IFT88: variants seen among roughly 807,000 people sequenced by gnomAD.
IFT88 encodes the protein intraflagellar transport protein 88 homolog.
In IFT88, 74 loss-of-function variants were observed where a neutral mutation model predicts 119.5. The observed-to-expected ratio is 0.62, with a 90% CI of 0.51 to 0.75. IFT88 has a LOEUF of 0.75. Among genes scored for constraint, IFT88 ranks in the 30% least tolerant of loss-of-function variants. IFT88 has a pLI of 0.00. For missense variants in IFT88, 961 were observed against 977.7 expected, an observed-to-expected ratio of 0.98 and a Z score of 0.23; for synonymous variants, 279 against 316.7, an observed-to-expected ratio of 0.88 and a Z score of 1.26.
At chr13:20,593,161 G>C (rs945561502) in intron 7 of IFT88, among the ~76,000 whole-genome samples, 10 of 152,184 alleles carry the variant, frequency 6.6e-5, no homozygotes, top group Non-Finnish European at 1.5e-4. Flanking sequence ...TTTAGTGCTA[G>C]TGGCTAGACA....
intron 4 of IFT88, 67 bp from the exon 5 acceptor site, chr13:20,590,900 A>G: frequency 9.2e-7 from 1 of 1,086,086 alleles, no homozygotes; most frequent in Non-Finnish European, 1.4e-6. Context: ...AACTTCTATA[A>G]CTTGGTTTAA....
At chr13:20,667,391 G>T (rs188232043) in intron 23 of IFT88, among the ~76,000 whole-genome samples, 2 of 152,220 alleles carry the variant, frequency 1.3e-5, no homozygotes, top group Non-Finnish European at 2.9e-5. Flanking sequence ...TTGCATGTCA[G>T]ATGAGTCTGT....
intron 24 of IFT88, among the ~76,000 whole-genome samples, chr13:20,689,581 G>C (rs531758806): frequency 6.6e-6 from 1 of 152,196 alleles, no homozygotes; most frequent in East Asian, 1.9e-4. Context: ...CAAACCCTAA[G>C]GCAAGAAGGC....
intron 13 of IFT88, among the ~76,000 whole-genome samples, chr13:20,614,175 G>A (rs1364846749): frequency 6.6e-6 from 1 of 152,188 alleles, no homozygotes; most frequent in African/African-American, 2.4e-5. Context: ...CCATGACCAA[G>A]TAGGATTAAT....
intron 24 of IFT88, among the ~76,000 whole-genome samples, chr13:20,684,191 C>G (rs1170337648): frequency 6.6e-6 from 1 of 152,222 alleles, no homozygotes; most frequent in Non-Finnish European, 1.5e-5. Flanking sequence ...ATATCACCTT[C>G]TCATCTAGCT....
chr13:20,648,836 T>C (rs1164340366), intron 20 of IFT88, among the ~76,000 whole-genome samples: 1 of 152,146 alleles, frequency 6.6e-6, no homozygotes, highest in Non-Finnish European at 1.5e-5. Context: ...AAAAAGATAT[T>C]CCAAACAAAT....
chr13:20,666,601 C>T (rs2054729367), intron 23 of IFT88, among the ~76,000 whole-genome samples: 1 of 152,204 alleles, frequency 6.6e-6, no homozygotes, highest in South Asian at 2.1e-4. Context: ...TCTCTTCCAG[C>T]ATTTATTCAC....
At chr13:20,641,164 A>C in intron 17 of IFT88, 126 bp from the exon 18 acceptor site, 1 of 595,288 alleles carries the variant, frequency 1.7e-6, no homozygotes, top group Non-Finnish European at 2.8e-6. Flanking sequence ...CAAAAACCTG[A>C]GTTCATCTTC....
intron 23 of IFT88, among the ~76,000 whole-genome samples, chr13:20,667,710 G>A (rs2054973474): frequency 6.6e-6 from 1 of 151,632 alleles, no homozygotes; most frequent in Admixed American, 6.6e-5. Context: ...CCAAAGTGCT[G>A]GGATTACAGG....
chr13:20,644,585 T>C (rs900716463), intron 19 of IFT88, among the ~76,000 whole-genome samples: 1 of 152,090 alleles, frequency 6.6e-6, no homozygotes, highest in African/African-American at 2.4e-5. Context: ...CTCTTTTTTA[T>C]TCTTTTAAAT....
At chr13:20,571,018 G>A (rs1183364504) in intron 1 of IFT88, among the ~76,000 whole-genome samples, 2 of 151,978 alleles carry the variant, frequency 1.3e-5, no homozygotes, top group Non-Finnish European at 2.9e-5. Flanking sequence ...TTTTGAGACA[G>A]AGTCTGGCTC....
In IFT88 at chr13:20,670,954, T is replaced by C; in HGVS notation, c.2176-19T>C. ...GGAATAGCACTTATTCTTTTAAACT[T>C]GTCTTCTCTTTGCTCTAGCGCATAA... On this transcript the variant is annotated intron_variant, in intron 23 of 25. Coordinates refer to ENST00000351808, the MANE Select transcript of IFT88 (RefSeq NM_006531.5). The C allele has an allele frequency of 6.2e-7, 1 of 1,609,094 alleles. No homozygotes were observed. The highest frequency in any genetic ancestry group is 1.1e-5 in the South Asian group (1 of 90,220).
rs143840290 is a variant in IFT88, at chr13:20,663,504, G to A, written c.2075G>A (p.Arg692His). 146 of 1,613,002 alleles carry A rather than the reference G, an allele frequency of 9.1e-5. 1 individual carries two copies. The highest frequency in any genetic ancestry group is 4.2e-4 in the Admixed American group (25 of 59,904). Residue 692 changes from arginine to histidine, a missense_variant, in exon 23 of 26, where the codon CGT becomes CAT. Coordinates refer to ENST00000351808, the MANE Select transcript of IFT88 (RefSeq NM_006531.5). ...TGTATATTTTACAATTTAGGTCTGC[G>A]TTTCTTAGTTCGTCTCTGCACAGAT... ...RKFPENVECL[R>H]FLVRLCTDLG...
chr13:20,690,901 T>A, intron 25 of IFT88, 86 bp downstream of exon 25: 1 of 1,388,874 alleles, frequency 7.2e-7, no homozygotes, highest in Non-Finnish European at 1.0e-6. Flanking sequence ...TGGGAATTCT[T>A]AAGAATTTGA....
In IFT88 at chr13:20,656,356, T is replaced by C. The variant is rs764835487; in HGVS notation, c.2003-9T>C. ...TTTGCTAATATATTTTTCTCTTGTT[T>C]GTTTATAGGTAACTACCAAAAAGCA... On this transcript the variant is annotated splice_polypyrimidine_tract_variant and intron_variant, in intron 21 of 25. Transcript: ENST00000351808. 5.4e-6 allele frequency: 7 copies of C among 1,301,280 alleles called. No individual in the cohort carries two copies. The South Asian group carries it at 1.0e-4, about 19-fold the overall frequency. The allele number at this position is 1,301,280 out of a possible 1,614,324, so 80.6% of individuals were successfully genotyped here. A position where few individuals can be genotyped will look rare whatever the true frequency, so the allele number is the denominator to read the frequency against.
chr13:20,651,284 A>G (rs2051624012), intron 20 of IFT88, among the ~76,000 whole-genome samples: 1 of 151,646 alleles, frequency 6.6e-6, no homozygotes, highest in African/African-American at 2.4e-5. Context: ...AAAAATATTA[A>G]GTCTTCCAAT....
chr13:20,591,677 G>A lies in IFT88; in HGVS notation c.324G>A (p.Leu108=). 6 of 1,608,598 alleles carry A rather than the reference G, an allele frequency of 3.7e-6. No individual in the cohort carries two copies. Among genetic ancestry groups the A allele is most frequent in the Non-Finnish European group, 4.3e-6 (5 of 1,175,410 alleles). Residue 108 remains leucine, a synonymous_variant, in exon 6 of 26, where the codon TTG becomes TTA. Transcript: ENST00000351808. ...VRAAGFTKAA[L]RGSAFDPLSQ... ...CAGCTGGTTTTACCAAAGCAGCTTT[G>A]AGAGGTTTGTTACACTGTCTCTACT...
intron 3 of IFT88, among the ~76,000 whole-genome samples, chr13:20,588,421 G>A (rs1249164302): frequency 6.6e-6 from 1 of 151,732 alleles, no homozygotes; most frequent in African/African-American, 2.4e-5. Flanking sequence ...GTTTATCTTG[G>A]CTTTTGGTTA....
chr13:20,600,351 T>C (rs1231156977), intron 11 of IFT88, among the ~76,000 whole-genome samples: 2 of 151,948 alleles, frequency 1.3e-5, no homozygotes, highest in African/African-American at 2.4e-5. Context: ...GCTATAATAA[T>C]TCAGTGGAAG....
Sources: allele counts gnomAD v4.1 joint callset (sites outside exome capture counted in the v4.1 genomes callset), GRCh38; gene constraint gnomAD v4.1.1; transcripts MANE v1.5; gene names NCBI Gene and HGNC (gene_info 2026-07-23, HGNC 2026-07-21).